Variants in CBFA2T3 observed in about 807,000 individuals in gnomAD.
CBFA2T3 encodes CBFA2/RUNX1 partner transcriptional co-repressor 3.
A neutral mutation model predicts 58.6 loss-of-function variants in CBFA2T3; 31 were observed. The observed-to-expected ratio is 0.53, with a 90% CI of 0.40 to 0.71. The LOEUF is 0.71. Ranked by LOEUF, CBFA2T3 falls within the 30% of genes least tolerant of loss-of-function variation. The pLI is 0.00. For synonymous variants in CBFA2T3, 531 were observed against 421.9 expected (o/e 1.26, Z -3.17); for missense variants, 1,076 against 963.1 (o/e 1.12, Z -1.55).
At chr16:88,928,075 G>A (rs1233386276) in intron 1 of CBFA2T3, among the ~76,000 whole-genome samples, 1 of 152,212 alleles carries the variant, frequency 6.6e-6, no homozygotes, top group African/African-American at 2.4e-5. Context: ...AACCCCAGCA[G>A]GGAAGGCCAC....
chr16:88,898,242 T>C (rs1969963251), intron 2 of CBFA2T3, 90 bp from the exon 3 acceptor site: 3 of 985,848 alleles, frequency 3.0e-6, no homozygotes, highest in African/African-American at 1.6e-5. Flanking sequence ...CTTTTCCTAC[T>C]TCTCAGAGTG....
chr16:88,938,850 C>T (rs1457533354), intron 1 of CBFA2T3: 1 of 152,238 alleles, frequency 6.6e-6, no homozygotes, highest in Non-Finnish European at 1.5e-5. Flanking sequence ...CAGAAAACCC[C>T]AAAGTCAACC....
intron 8 of CBFA2T3, among the ~76,000 whole-genome samples, chr16:88,882,252 G>C (rs550243049): frequency 6.6e-6 from 1 of 152,364 alleles, no homozygotes; most frequent in South Asian, 2.1e-4. Context: ...AGGCCCCATG[G>C]GGCAGAGCCA....
At chr16:88,976,623 C>T (rs1236896695) in intron 1 of CBFA2T3, 34 bp downstream of exon 1, 4 of 1,498,040 alleles carry the variant, frequency 2.7e-6, no homozygotes, top group Non-Finnish European at 3.6e-6. Context: ...CGCTCTCTGC[C>T]CCCACCCCAC....
At chr16:88,897,590 T>C (rs576789240) in intron 3 of CBFA2T3, among the ~76,000 whole-genome samples, 19 of 152,302 alleles carry the variant, frequency 1.2e-4, no homozygotes, top group Non-Finnish European at 4.4e-5. Context: ...GAGATCACCA[T>C]TGGCACTAGG....
At position 88,976,706 on chromosome 16, in the gene CBFA2T3, C is replaced by A. The variant is rs1321642342; in HGVS notation, c.102G>T (p.Leu34=). Reference sequence around the variant, plus strand: ...GGGGTGCGGAGCAGCCGGCAGATGCCAGGAGGCCGCTCTCCAGCACAGGGT... The same window carrying A: ...GGGGTGCGGAGCAGCCGGCAGATGCAAGGAGGCCGCTCTCCAGCACAGGGT... ...QTHPVLESGL[L]ASAGCSAPRG... is the part of the protein sequence containing the mutation. The change falls in exon 1 of 12, where the codon CTG becomes CTT. Residue 34 remains leucine (L), a synonymous_variant. Transcript: ENST00000268679. 8 of 1,559,890 alleles carry A rather than the reference C, an allele frequency of 5.1e-6. No individual in the cohort carries two copies. Among genetic ancestry groups the A allele is most frequent in the Non-Finnish European group, 6.9e-6 (8 of 1,151,964 alleles).
chr16:88,877,274 C>T lies in CBFA2T3; in HGVS notation c.1664G>A (p.Ser555Asn). 3 of 1,545,948 alleles carry T rather than the reference C, an allele frequency of 1.9e-6. No homozygotes were observed. Among genetic ancestry groups the T allele is most frequent in the Non-Finnish European group, 2.6e-6 (3 of 1,145,154 alleles). The change falls in exon 12 of 12, where the codon AGC becomes AAC. Residue 555 changes from serine to asparagine, a missense_variant and splice_region_variant. Physicochemically the swap from Ser to Asn is conservative, Grantham distance 46. Coordinates refer to ENST00000268679, the MANE Select transcript of CBFA2T3 (RefSeq NM_005187.6). ...GGCTTTCCGCCCGCAGTTCCAGCAGCTCTGGGTGGGGGCAGAGGGGCCAGT... is the reference window on the plus strand; with the variant it reads ...GGCTTTCCGCCCGCAGTTCCAGCAGTTCTGGGTGGGGGCAGAGGGGCCAGT... ...VINQQEDSSE[S>N]CWNCGRKASE... is the part of the protein sequence containing the mutation.
chr16:88,904,886 G>T (rs1970244211), intron 1 of CBFA2T3, among the ~76,000 whole-genome samples: 2 of 152,202 alleles, frequency 1.3e-5, no homozygotes, highest in African/African-American at 4.8e-5. Flanking sequence ...ACAGGAAGAT[G>T]ACGCGGAGTT....
At chr16:88,933,058 G>GCCTTGGCCGT (rs1971370207) in intron 1 of CBFA2T3, among the ~76,000 whole-genome samples, 1 of 152,208 alleles carries the variant, frequency 6.6e-6, no homozygotes, top group Non-Finnish European at 1.5e-5. Context: ...GCCAGGACCC[G>GCCTTGGCCGT]GAGACGTCAC....
Position 88,886,047 on chromosome 16 carries a change from C to T in CBFA2T3, c.807G>A (p.Leu269=). 5 of 1,583,396 alleles carry T rather than the reference C, an allele frequency of 3.2e-6. No homozygotes were observed. The highest frequency in any genetic ancestry group is 4.3e-6 in the Non-Finnish European group (5 of 1,168,960). ...TGGGGGAGGAGGCGCTGGCGTCCAGCAGGAGCTGCTCATGCTGGGCCAAGT... is the reference window on the plus strand; with the variant it reads ...TGGGGGAGGAGGCGCTGGCGTCCAGTAGGAGCTGCTCATGCTGGGCCAAGT... ...AQYLAQHEQL[L]LDASASSPID... Residue 269 remains leucine (L), a synonymous_variant, in exon 6 of 12, where the codon CTG becomes CTA. Coordinates refer to ENST00000268679, the MANE Select transcript of CBFA2T3 (RefSeq NM_005187.6).
intron 3 of CBFA2T3, among the ~76,000 whole-genome samples, chr16:88,896,612 G>T (rs1394822762): frequency 6.6e-6 from 1 of 152,186 alleles, no homozygotes; most frequent in Admixed American, 6.5e-5. Flanking sequence ...CGTCAAGACT[G>T]AGGATAGCCA....
chr16:88,909,565 C>T (rs994759271), intron 1 of CBFA2T3, among the ~76,000 whole-genome samples: 2 of 152,136 alleles, frequency 1.3e-5, no homozygotes, highest in Non-Finnish European at 2.9e-5. Context: ...CACTGCAACC[C>T]GGGTGACCAT....
At chr16:88,935,992 G>A (rs1366406303) in intron 1 of CBFA2T3, among the ~76,000 whole-genome samples, 1 of 152,128 alleles carries the variant, frequency 6.6e-6, no homozygotes. Flanking sequence ...CCCCCTCCCC[G>A]CTGCCTCCGG....
intron 1 of CBFA2T3, chr16:88,941,853 G>C (rs554516628): frequency 7.5e-6 from 1 of 133,606 alleles, no homozygotes; most frequent in Non-Finnish European, 1.8e-5. Context: ...ACGGGAGTTG[G>C]GGGGTGTGGG....
chr16:88,920,919 A>C (rs988455385), intron 1 of CBFA2T3, among the ~76,000 whole-genome samples: 10 of 152,250 alleles, frequency 6.6e-5, no homozygotes, highest in Non-Finnish European at 1.3e-4. Flanking sequence ...CTCACTGGGG[A>C]GGCATCTTGG....
chr16:88,941,652 C>T (rs1310531446), intron 1 of CBFA2T3: 2 of 145,990 alleles, frequency 1.4e-5, no homozygotes, highest in Non-Finnish European at 3.0e-5. Flanking sequence ...CGCGGGGAGG[C>T]GCAGGCGGGG....
At chr16:88,917,920 G>T (rs1597725722) in intron 1 of CBFA2T3, among the ~76,000 whole-genome samples, 1 of 152,152 alleles carries the variant, frequency 6.6e-6, no homozygotes, top group Admixed American at 6.5e-5. Flanking sequence ...GTCCCTCCGG[G>T]GTGCGTGGAG....
At chr16:88,893,900 C>G (rs763555677) in intron 3 of CBFA2T3, among the ~76,000 whole-genome samples, 13 of 152,190 alleles carry the variant, frequency 8.5e-5, no homozygotes, top group Non-Finnish European at 1.9e-4. Context: ...GGCCTCCAGG[C>G]TCTGAAGGCA....
chr16:88,879,184 G>A lies in CBFA2T3; in HGVS notation c.1662+86C>T. 4 of 1,210,884 alleles carry A rather than the reference G, an allele frequency of 3.3e-6. No individual in the cohort carries two copies. The South Asian group carries it at 5.4e-5, about 16-fold the overall frequency. 75.0% of individuals were successfully genotyped at this position (1,210,884 alleles called of 1,614,324 possible). A position where few individuals can be genotyped will look rare whatever the true frequency, so the allele number is the denominator to read the frequency against. On this transcript the variant is annotated intron_variant, in intron 11 of 11. Transcript: ENST00000268679. ...GTGACAACTGTGCTGATGCCACGTG[G>A]AGGCTCAGAATCCTCATGGGGGTGG...
Sources: allele counts gnomAD v4.1 joint callset (sites outside exome capture counted in the v4.1 genomes callset), GRCh38; gene constraint gnomAD v4.1.1; transcripts MANE v1.5; gene names NCBI Gene and HGNC (gene_info 2026-07-23, HGNC 2026-07-21).